Variants in AGO4 observed in about 807,000 individuals in gnomAD.
The protein encoded by AGO4 is protein argonaute-4.
A neutral mutation model predicts 104.7 loss-of-function variants in AGO4; 33 were observed. The observed-to-expected ratio is 0.32, with a 90% CI of 0.24 to 0.42. The LOEUF (loss-of-function observed/expected upper bound fraction) is 0.42. AGO4 is among the 10% of genes least tolerant of loss of function. The pLI, the probability that AGO4 is intolerant of heterozygous loss-of-function variation, is 1.00. For missense variants in AGO4, 711 were observed against 1,083.4 expected, an observed-to-expected ratio of 0.66 and a Z score of 4.83; for synonymous variants, 331 against 364.7, an observed-to-expected ratio of 0.91 and a Z score of 1.05.
intron 2 of AGO4, 92 bp from the exon 3 acceptor site, chr1:35,822,770 G>A (rs1643914354): frequency 6.6e-7 from 1 of 1,511,700 alleles, no homozygotes; most frequent in African/African-American, 1.4e-5. Flanking sequence ...AAGTAATACT[G>A]AACCGAATTT....
intron 13 of AGO4, among the ~76,000 whole-genome samples, chr1:35,839,708 G>A (rs1387141753): frequency 2.0e-5 from 3 of 152,078 alleles, no homozygotes; most frequent in Non-Finnish European, 4.4e-5. Flanking sequence ...GATACAGAGA[G>A]ATAAATGGGA....
At chr1:35,830,973 C>CAAAA (rs543347096) in intron 7 of AGO4, among the ~76,000 whole-genome samples, 2 of 57,066 alleles carry the variant, frequency 3.5e-5, no homozygotes, top group Non-Finnish European at 7.6e-5. Flanking sequence ...CTCTGTCTCA[C>CAAAA]AAAAAAAAAA....
At position 35,855,252 on chromosome 1, in the gene AGO4, CA is replaced by C. The variant is rs1644791934; in HGVS notation, c.*1649del. 6.5e-6 allele frequency: 1 copy of C among 152,718 alleles called. No individual in the cohort carries two copies. The highest frequency in any genetic ancestry group is 6.5e-5 in the Admixed American group (1 of 15,272). 9.5% of individuals were successfully genotyped at this position (152,718 alleles called of 1,614,324 possible). ...AAGGAGCTAGGGAAAGAGATAGACA[CA>C]ATGGGGTGAAAACAATTTTGCCGCC... is the stretch of plus-strand genomic sequence containing the variant. On this transcript the variant is annotated 3_prime_UTR_variant, in exon 18 of 18. Coordinates refer to ENST00000373210, the MANE Select transcript of AGO4 (RefSeq NM_017629.4).
chr1:35,853,767 C>T lies in AGO4; in HGVS notation c.*162C>T, dbSNP rs935293020. 11 of 524,478 alleles carry T rather than the reference C, an allele frequency of 2.1e-5. No individual in the cohort carries two copies. In the Middle Eastern group the frequency reaches 1.9e-3, roughly 90 times the overall value. 32.5% of individuals were successfully genotyped at this position (524,478 alleles called of 1,614,324 possible). ...CTATACTTTGCAGCACTGTCTGATG[C>T]GTCAACAAAATTGAGCCATTTTTTT... On this transcript the variant is annotated 3_prime_UTR_variant, in exon 18 of 18. Transcript: ENST00000373210.
chr1:35,836,689 G>A (rs563296292), intron 13 of AGO4, among the ~76,000 whole-genome samples: 3 of 152,302 alleles, frequency 2.0e-5, no homozygotes, highest in African/African-American at 7.2e-5. Context: ...GATTACAGGC[G>A]TGAGCCACTG....
Position 35,854,761 on chromosome 1 carries a change from A to G in AGO4, c.*1156A>G, listed in dbSNP as rs1458161112. ...AGGCTTTGCCAGTCCTTAAGGTACA[A>G]TGAGTGATGCTGCAACTTGCAAATG... On this transcript the variant is annotated 3_prime_UTR_variant, in exon 18 of 18. Coordinates refer to ENST00000373210, the MANE Select transcript of AGO4 (RefSeq NM_017629.4). 6.6e-6 allele frequency: 1 copy of G among 152,662 alleles called. No homozygotes were observed. The highest frequency in any genetic ancestry group is 6.5e-5 in the Admixed American group (1 of 15,278). 9.5% of individuals were successfully genotyped at this position (152,662 alleles called of 1,614,324 possible). A position where few individuals can be genotyped will look rare whatever the true frequency, so the allele number is the denominator to read the frequency against.
intron 15 of AGO4, among the ~76,000 whole-genome samples, chr1:35,842,174 G>C (rs1179048295): frequency 6.6e-6 from 1 of 152,142 alleles, no homozygotes; most frequent in Non-Finnish European, 1.5e-5. Flanking sequence ...CCCCCAGACT[G>C]TGGACTGGTA....
intron 13 of AGO4, among the ~76,000 whole-genome samples, chr1:35,838,712 C>T (rs1644371814): frequency 1.3e-5 from 2 of 152,136 alleles, no homozygotes; most frequent in South Asian, 4.1e-4. Context: ...TATTGTTACG[C>T]ATGTGAATTT....
intron 6 of AGO4, 42 bp downstream of exon 6, chr1:35,826,102 C>T: frequency 1.2e-6 from 2 of 1,606,448 alleles, no homozygotes; most frequent in African/African-American, 1.3e-5. Flanking sequence ...AGCAGCTCAG[C>T]ATGCTGCACG....
At chr1:35,846,457 T>A (rs1048561890) in intron 15 of AGO4, among the ~76,000 whole-genome samples, 7 of 151,632 alleles carry the variant, frequency 4.6e-5, no homozygotes, top group African/African-American at 1.7e-4. Flanking sequence ...ATTAGCCGGA[T>A]GTGGTGGCAG....
At position 35,854,432 on chromosome 1, in the gene AGO4, G is replaced by C. The variant is rs945874788; in HGVS notation, c.*827G>C. 1 of 152,606 alleles carries C rather than the reference G, an allele frequency of 6.6e-6. No homozygotes were observed. The highest frequency in any genetic ancestry group is 1.5e-5 in the Non-Finnish European group (1 of 68,030). The allele number at this position is 152,606 out of a possible 1,614,324, so 9.5% of individuals were successfully genotyped here. On this transcript the variant is annotated 3_prime_UTR_variant, in exon 18 of 18. Transcript: ENST00000373210. ...TCAAAAGTGCCCATTTTATGCTGCT[G>C]TGTGGTTTGTTAAATCTAAATGATT...
At chr1:35,850,472 G>T (rs774668522) in intron 16 of AGO4, among the ~76,000 whole-genome samples, 1 of 151,848 alleles carries the variant, frequency 6.6e-6, no homozygotes, top group African/African-American at 2.4e-5. Context: ...TTCTCTTCTC[G>T]TGTCATGTCA....
intron 2 of AGO4, among the ~76,000 whole-genome samples, chr1:35,818,418 G>A (rs993188142): frequency 5.9e-5 from 9 of 152,020 alleles, no homozygotes; most frequent in African/African-American, 2.2e-4. Flanking sequence ...GAGGTCAGGA[G>A]TTCGAGACCA....
chr1:35,852,326 T>C (rs997690293), intron 17 of AGO4, among the ~76,000 whole-genome samples: 7 of 152,152 alleles, frequency 4.6e-5, no homozygotes, highest in Non-Finnish European at 7.4e-5. Context: ...AGGATAATAA[T>C]CACTTAAAGA....
chr1:35,809,394 A>G (rs1470653701), intron 1 of AGO4, among the ~76,000 whole-genome samples: 1 of 152,144 alleles, frequency 6.6e-6, no homozygotes, highest in Non-Finnish European at 1.5e-5. Context: ...CTACATAATG[A>G]ACTTAGTCGT....
intron 2 of AGO4, among the ~76,000 whole-genome samples, chr1:35,822,100 G>A (rs989961308): frequency 5.9e-5 from 9 of 151,796 alleles, no homozygotes; most frequent in Admixed American, 4.6e-4. Context: ...GGCTAGTCTC[G>A]AACTCCTGAC....
intron 3 of AGO4, among the ~76,000 whole-genome samples, chr1:35,823,485 G>A (rs1643932907): frequency 6.6e-6 from 1 of 152,084 alleles, no homozygotes; most frequent in Non-Finnish European, 1.5e-5. Context: ...GAGTGCAGTG[G>A]CGCGATCTCG....
intron 2 of AGO4, among the ~76,000 whole-genome samples, chr1:35,821,081 A>G (rs552989969): frequency 3.9e-5 from 6 of 152,278 alleles, no homozygotes; most frequent in Admixed American, 2.0e-4. Context: ...TTTCTTTAAT[A>G]TGAGGACCAT....
At chr1:35,824,988 T>C (rs1409012003) in intron 3 of AGO4, among the ~76,000 whole-genome samples, 1 of 152,184 alleles carries the variant, frequency 6.6e-6, no homozygotes, top group Non-Finnish European at 1.5e-5. Flanking sequence ...CTACTTTCTG[T>C]CCCTTTAAAT....
Sources: allele counts gnomAD v4.1 joint callset (sites outside exome capture counted in the v4.1 genomes callset), GRCh38; gene constraint gnomAD v4.1.1; transcripts MANE v1.5; gene names NCBI Gene and HGNC (gene_info 2026-07-23, HGNC 2026-07-21).